Variants in ARHGAP29 observed in about 807,000 individuals in gnomAD.
ARHGAP29 encodes Rho GTPase activating protein 29, also known as rho GTPase-activating protein 29.
ARHGAP29 carries 43 observed loss-of-function variants against 122.6 expected under a neutral mutation model. The ratio of observed to expected loss-of-function variants is 0.35; its 90% confidence interval spans 0.27 to 0.45. ARHGAP29 has a LOEUF of 0.45. Ranked by LOEUF, ARHGAP29 falls within the 20% of genes least tolerant of loss-of-function variation. The pLI is 1.00. For synonymous variants in ARHGAP29, 506 were observed against 497.1 expected, an observed-to-expected ratio of 1.02 and a Z score of -0.24; for missense variants, 1,303 against 1,477.2, an observed-to-expected ratio of 0.88 and a Z score of 1.93.
chr1:94,180,209 T>C (rs547233416), intron 19 of ARHGAP29, among the ~76,000 whole-genome samples: 46 of 152,298 alleles, frequency 3.0e-4, no homozygotes, highest in African/African-American at 1.1e-3. Flanking sequence ...TAAAGCTGCA[T>C]GATGGAATTT....
At chr1:94,292,613 G>A in the ARHGAP29 span, among the ~76,000 whole-genome samples, 4 of 152,326 alleles carry the variant, frequency 2.6e-5, no homozygotes, top group Non-Finnish European at 5.9e-5. Flanking sequence ...GGTCTTTGAT[G>A]TTGGTGACCT....
chr1:94,203,067 A>G (rs1650961486), intron 9 of ARHGAP29, 33 bp downstream of exon 9: 1 of 1,595,450 alleles, frequency 6.3e-7, no homozygotes, highest in South Asian at 1.1e-5. Flanking sequence ...GCTTAAAAAT[A>G]AAAGTGCATT....
intron 1 of ARHGAP29, among the ~76,000 whole-genome samples, chr1:94,255,036 A>G (rs1003432747): frequency 6.6e-6 from 1 of 152,176 alleles, no homozygotes; most frequent in Non-Finnish European, 1.5e-5. Context: ...TTATCTAACA[A>G]TGTGTTATAG....
At chr1:94,222,359 T>C (rs972137236) in intron 2 of ARHGAP29, among the ~76,000 whole-genome samples, 3 of 152,160 alleles carry the variant, frequency 2.0e-5, no homozygotes, top group African/African-American at 4.8e-5. Flanking sequence ...GTGGAGAAAC[T>C]TGACAAACAC....
chr1:94,212,057 T>C (rs1022062539), intron 3 of ARHGAP29, among the ~76,000 whole-genome samples: 3 of 152,138 alleles, frequency 2.0e-5, no homozygotes, highest in Non-Finnish European at 4.4e-5. Flanking sequence ...GGCGGGAGGA[T>C]CACCTGAGGT....
In ARHGAP29 at chr1:94,188,922, T is replaced by C. The variant is rs1649969362; in HGVS notation, c.1596A>G (p.Ser532=). The part of the protein sequence containing the change: ...ADITGPSFIR[S]WTFGMFSDSE... ...AATCACTAAACATCCCAAATGTCCA[T>C]GATCTTATAAAGGAAGGACCTTTAA... is the stretch of plus-strand genomic sequence containing the variant. The change falls in exon 15 of 23, where the codon TCA becomes TCG. Residue 532 remains serine (S), a synonymous_variant. Transcript: ENST00000260526. The C allele has an allele frequency of 6.2e-7, 1 of 1,613,026 alleles. No homozygotes were observed. Among genetic ancestry groups the C allele is most frequent in the Non-Finnish European group, 8.5e-7 (1 of 1,179,246 alleles).
At chr1:94,204,041 T>C (rs1651035535) in intron 7 of ARHGAP29, 47 bp from the exon 8 acceptor site, 4 of 1,470,878 alleles carry the variant, frequency 2.7e-6, no homozygotes, top group East Asian at 4.5e-5. Flanking sequence ...AATTTATTTT[T>C]CCCCCTGTAT....
chr1:94,187,166 A>C (rs577078201), intron 15 of ARHGAP29, among the ~76,000 whole-genome samples: 1 of 152,356 alleles, frequency 6.6e-6, no homozygotes, highest in Admixed American at 6.5e-5. Flanking sequence ...CTATGTCAGC[A>C]AAGGACACTG....
the ARHGAP29 span, among the ~76,000 whole-genome samples, chr1:94,286,796 A>G: frequency 1.3e-5 from 2 of 152,212 alleles, no homozygotes; most frequent in African/African-American, 4.8e-5. Flanking sequence ...TTAGAAGTCA[A>G]AGATGATCTC....
chr1:94,203,286 C>A, intron 8 of ARHGAP29, 76 bp from the exon 9 acceptor site: 6 of 991,456 alleles, frequency 6.1e-6, no homozygotes, highest in East Asian at 5.6e-5. Context: ...TACCCTTCTT[C>A]AAAAAGGGAA....
chr1:94,191,122 C>G (rs1420407857), intron 12 of ARHGAP29: 1 of 152,098 alleles, frequency 6.6e-6, no homozygotes, highest in Non-Finnish European at 1.5e-5. Flanking sequence ...AGAGCTGGAG[C>G]TCTGGTTTAA....
chr1:94,204,140 C>G (rs919204932), intron 7 of ARHGAP29, 146 bp from the exon 8 acceptor site: 2 of 459,362 alleles, frequency 4.4e-6, no homozygotes. Flanking sequence ...ATACTTCTTT[C>G]TTCCTTTTTT....
intron 12 of ARHGAP29, among the ~76,000 whole-genome samples, chr1:94,198,843 T>C (rs976082049): frequency 4.6e-5 from 7 of 152,176 alleles, no homozygotes; most frequent in Non-Finnish European, 7.3e-5. Flanking sequence ...ACAAGCTGAT[T>C]CTAACATTTT....
At chr1:94,303,510 G>C in the ARHGAP29 span, among the ~76,000 whole-genome samples, 1 of 152,086 alleles carries the variant, frequency 6.6e-6, no homozygotes, top group South Asian at 2.1e-4. Context: ...GCACAACAGT[G>C]TGAATATACT....
At chr1:94,282,000 G>A in the ARHGAP29 span, among the ~76,000 whole-genome samples, 1 of 152,036 alleles carries the variant, frequency 6.6e-6, no homozygotes, top group South Asian at 2.1e-4. Flanking sequence ...TTTACCAAGG[G>A]CAGAGATCAA....
At chr1:94,178,210 A>G (rs1649231256) in intron 20 of ARHGAP29, 43 bp from the exon 21 acceptor site, 1 of 1,558,612 alleles carries the variant, frequency 6.4e-7, no homozygotes, top group Admixed American at 1.8e-5. Context: ...TTTTCCTATT[A>G]GAGTTCCTTG....
Position 94,174,136 on chromosome 1 carries a change from G to A in ARHGAP29, c.3519C>T (p.Ile1173=), listed in dbSNP as rs1206659377. 3 of 1,614,100 alleles carry A rather than the reference G, an allele frequency of 1.9e-6. No homozygotes were observed. Among genetic ancestry groups the A allele is most frequent in the Non-Finnish European group, 2.5e-6 (3 of 1,180,056 alleles). ...TCTCCTCATTCCCCCTGATACTGATGATGGGAGCATGTGGTTTATAAAATG... is the reference window on the plus strand; with the variant it reads ...TCTCCTCATTCCCCCTGATACTGATAATGGGAGCATGTGGTTTATAAAATG... ...WTTFYKPHAP[I]ISIRGNEEKP... Residue 1173 remains isoleucine, a synonymous_variant, in exon 23 of 23, where the codon ATC becomes ATT. Transcript: ENST00000260526.
chr1:94,310,542 T>C, the ARHGAP29 span, among the ~76,000 whole-genome samples: 4 of 152,324 alleles, frequency 2.6e-5, no homozygotes, highest in East Asian at 3.9e-4. Context: ...AGGACCATCA[T>C]AGTAATTTTC....
At chr1:94,244,633 G>A (rs1373183203) in intron 1 of ARHGAP29, among the ~76,000 whole-genome samples, 1 of 151,970 alleles carries the variant, frequency 6.6e-6, no homozygotes, top group Non-Finnish European at 1.5e-5. Context: ...CTCAGAGATG[G>A]TGGGTTGGGG....
Sources: allele counts gnomAD v4.1 joint callset (sites outside exome capture counted in the v4.1 genomes callset), GRCh38; gene constraint gnomAD v4.1.1; transcripts MANE v1.5; gene names NCBI Gene and HGNC (gene_info 2026-07-23, HGNC 2026-07-21).